The following HACL2 variants were observed in gnomAD, a reference collection of about 807,000 sequenced individuals.
The protein encoded by HACL2 is 2-hydroxyacyl-CoA lyase 2.
the HACL2 span, chr19:15,123,696 G>T: frequency 1.2e-6 from 1 of 843,094 alleles, no homozygotes; most frequent in Non-Finnish European, 1.9e-6. This position sits in a 1 kb window ranked among gnomAD's most constrained non-coding sequence, Gnocchi z 5.1. Flanking sequence ...GTCAAGAGAA[G>T]CTTGGTCTTG....
chr19:15,115,699 C>A, the HACL2 span: 8 of 1,600,552 alleles, frequency 5.0e-6, no homozygotes, highest in African/African-American at 9.4e-5. Flanking sequence ...AGGCAGGCCG[C>A]AGCCTTCAGC....
the HACL2 span, chr19:15,123,429 T>G: frequency 6.2e-7 from 1 of 1,614,182 alleles, no homozygotes; most frequent in Non-Finnish European, 8.5e-7. This position sits in a 1 kb window ranked among gnomAD's most constrained non-coding sequence, Gnocchi z 5.1. Flanking sequence ...TCATGGCGTG[T>G]GTCCACCACA....
the HACL2 span, chr19:15,123,154 T>A: frequency 6.2e-7 from 1 of 1,613,858 alleles, no homozygotes; most frequent in South Asian, 1.1e-5. The surrounding 1 kb of genome is among the most constrained non-coding windows in gnomAD (Gnocchi z 5.1). Flanking sequence ...AGAAGCAGGA[T>A]TGGGGACTGA....
At chr19:15,119,239 G>A in the HACL2 span, 3 of 1,609,574 alleles carry the variant, frequency 1.9e-6, no homozygotes, top group Non-Finnish European at 2.5e-6. Context: ...GGTGGTTGCG[G>A]CCTAACAGCC....
At chr19:15,116,382 C>T in the HACL2 span, 1 of 1,613,920 alleles carries the variant, frequency 6.2e-7, no homozygotes, top group Non-Finnish European at 8.5e-7. Flanking sequence ...AACCCCCTTC[C>T]CACATCCACT....
At chr19:15,122,574 T>C in the HACL2 span, 17 of 816,556 alleles carry the variant, frequency 2.1e-5, no homozygotes, top group Non-Finnish European at 3.0e-5. The surrounding 1 kb of genome is among the most constrained non-coding windows in gnomAD (Gnocchi z 4.0). Flanking sequence ...CCTGGAATGC[T>C]CTCCCCCCAG....
the HACL2 span, among the ~76,000 whole-genome samples, chr19:15,121,344 C>G: frequency 6.6e-6 from 1 of 152,184 alleles, no homozygotes; most frequent in African/African-American, 2.4e-5. Flanking sequence ...GTACAGGAGC[C>G]TGACTACCTT....
the HACL2 span, chr19:15,124,707 C>T: frequency 1.0e-4 from 59 of 579,568 alleles, 1 homozygote; most frequent in East Asian, 2.0e-3. Context: ...GCCCCGGCAG[C>T]GGCAGCTTCC....
At chr19:15,123,538 C>T in the HACL2 span, 17 of 1,614,162 alleles carry the variant, frequency 1.1e-5, no homozygotes, top group Non-Finnish European at 1.4e-5. The surrounding 1 kb of genome is among the most constrained non-coding windows in gnomAD (Gnocchi z 5.1). Context: ...GCACAGCGGC[C>T]ACGTTCTCTC....
chr19:15,116,619 C>T, the HACL2 span: 9 of 949,094 alleles, frequency 9.5e-6, no homozygotes, highest in South Asian at 3.0e-5. Context: ...CAGCAGCATC[C>T]GAGCAGGCAG....
chr19:15,124,302 T>C, the HACL2 span: 133 of 154,368 alleles, frequency 8.6e-4, no homozygotes, highest in South Asian at 0.01. Context: ...GCTTGGTCCC[T>C]GCTAGGAGAG....
chr19:15,119,334 G>A, the HACL2 span: 1 of 1,604,012 alleles, frequency 6.2e-7, no homozygotes, highest in Non-Finnish European at 8.5e-7. Context: ...AGGTCAGTGT[G>A]GCCGGGGCCT....
the HACL2 span, among the ~76,000 whole-genome samples, chr19:15,120,920 A>AG: frequency 2.0e-5 from 3 of 152,142 alleles, no homozygotes; most frequent in East Asian, 5.8e-4. Context: ...TGATAGAGTG[A>AG]GGCCCTGTCT....
the HACL2 span, chr19:15,116,657 GA>G: frequency 1.5e-6 from 1 of 667,798 alleles, no homozygotes; most frequent in Non-Finnish European, 2.5e-6. Context: ...GGTGCTCCTA[GA>G]AAAAAAACAG....
the HACL2 span, chr19:15,115,202 GAC>G: frequency 6.2e-7 from 1 of 1,606,846 alleles, no homozygotes; most frequent in African/African-American, 1.3e-5. Context: ...AAACCAGCTG[GAC>G]ACAGTCCAGG....
At chr19:15,125,017 G>T in the HACL2 span, 1 of 1,583,180 alleles carries the variant, frequency 6.3e-7, no homozygotes, top group East Asian at 2.3e-5. Context: ...AGGAAGGAGG[G>T]GAATAAGCTC....
At chr19:15,120,116 G>C in the HACL2 span, 19 of 1,325,454 alleles carry the variant, frequency 1.4e-5, no homozygotes, top group Admixed American at 4.1e-5. Flanking sequence ...CAAGTTGCCA[G>C]AATTAACTAA....
chr19:15,118,088 C>A, the HACL2 span: 1 of 1,583,636 alleles, frequency 6.3e-7, no homozygotes, highest in Non-Finnish European at 8.6e-7. Flanking sequence ...CTGTGGTGGA[C>A]TGGATGCAAA....
chr19:15,123,135 G>A, the HACL2 span: 3 of 1,613,756 alleles, frequency 1.9e-6, no homozygotes, highest in Non-Finnish European at 2.5e-6. This position sits in a 1 kb window ranked among gnomAD's most constrained non-coding sequence, Gnocchi z 5.1. Context: ...AGTGCTGGCA[G>A]CCCCACCCAG....
Sources: gnomAD v4.1 joint callset for allele counts (sites outside exome capture counted in the v4.1 genomes callset) on GRCh38, gnomAD v4.1.1 for gene constraint, Gnocchi (gnomAD v3.1) non-coding constraint, MANE v1.5 for transcripts, NCBI Gene and HGNC (gene_info 2026-07-23, HGNC 2026-07-21) for gene names.